The following PPM1H variants were observed in gnomAD, a reference collection of about 807,000 sequenced individuals.
PPM1H encodes the protein protein phosphatase 1H.
In PPM1H, 27 loss-of-function variants were observed where a neutral mutation model predicts 54.9. The observed-to-expected ratio is 0.49, with a 90% confidence interval of 0.36 to 0.68. The LOEUF (loss-of-function observed/expected upper bound fraction) is 0.68, where lower values mean the gene tolerates loss of function less well. PPM1H is among the 30% of genes least tolerant of loss of function. The pLI is 0.00. For synonymous variants in PPM1H, 305 were observed against 270.8 expected (o/e 1.13, Z -1.24); for missense variants, 596 against 667.8 (o/e 0.89, Z 1.19).
intron 1 of PPM1H, among the ~76,000 whole-genome samples, chr12:62,897,846 T>C (rs560832009): frequency 3.3e-5 from 5 of 152,282 alleles, no homozygotes; most frequent in South Asian, 2.1e-4. Flanking sequence ...GAAGCCATGA[T>C]GGGCTACTGC....
chr12:62,666,717 CT>C (rs940756013), intron 9 of PPM1H, among the ~76,000 whole-genome samples: 2 of 151,344 alleles, frequency 1.3e-5, no homozygotes, highest in African/African-American at 4.8e-5. Context: ...GAAAGTACCT[CT>C]TTTTTTTTGT....
chr12:62,802,594 C>A (rs1392177068), intron 2 of PPM1H, among the ~76,000 whole-genome samples: 1 of 148,820 alleles, frequency 6.7e-6, no homozygotes, highest in Non-Finnish European at 1.5e-5. Context: ...GACAGAGTCT[C>A]ACTCTGTGGC....
At chr12:62,868,735 T>TA (rs956211343) in intron 1 of PPM1H, among the ~76,000 whole-genome samples, 19 of 152,124 alleles carry the variant, frequency 1.2e-4, no homozygotes, top group Non-Finnish European at 1.3e-4. Context: ...TCAGAGATGA[T>TA]AAAAAAACAT....
At chr12:62,760,472 C>T (rs342141) in intron 4 of PPM1H, among the ~76,000 whole-genome samples, 121,249 of 152,012 alleles carry the variant, frequency 0.8, 48,665 homozygotes, top group African/African-American at 0.9. Context: ...TCTTCAGCCT[C>T]TGCTCCCCCA....
chr12:62,911,410 T>C (rs1871456551), intron 1 of PPM1H, among the ~76,000 whole-genome samples: 1 of 152,254 alleles, frequency 6.6e-6, no homozygotes, highest in South Asian at 2.1e-4. Flanking sequence ...TTTTCTTGCA[T>C]ATCAGATTTC....
intron 4 of PPM1H, among the ~76,000 whole-genome samples, chr12:62,781,426 T>C (rs549060517): frequency 5.8e-4 from 89 of 152,378 alleles, no homozygotes; most frequent in African/African-American, 2.0e-3. Context: ...GCTGCAGGAC[T>C]GCTGAGACTG....
chr12:62,758,792 C>T (rs890176827), intron 4 of PPM1H, among the ~76,000 whole-genome samples: 3 of 152,160 alleles, frequency 2.0e-5, no homozygotes, highest in African/African-American at 7.2e-5. Context: ...TGAGCCCAAG[C>T]TAAGCCATCA....
At chr12:62,713,551 G>A (rs1284547094) in intron 6 of PPM1H, among the ~76,000 whole-genome samples, 1 of 152,176 alleles carries the variant, frequency 6.6e-6, no homozygotes, top group Non-Finnish European at 1.5e-5. Context: ...TGCCCCTGAG[G>A]ATCAGGAAAG....
At chr12:62,654,814 C>G (rs2136597308) in intron 9 of PPM1H, among the ~76,000 whole-genome samples, 1 of 152,322 alleles carries the variant, frequency 6.6e-6, no homozygotes, top group East Asian at 1.9e-4. Flanking sequence ...TCAGTCTTGT[C>G]AGGCAGCTGC....
At chr12:62,652,913 T>C (rs2075823817) in intron 9 of PPM1H, among the ~76,000 whole-genome samples, 1 of 152,204 alleles carries the variant, frequency 6.6e-6, no homozygotes, top group African/African-American at 2.4e-5. Flanking sequence ...GTAATTTTTT[T>C]AACAATGGTC....
chr12:62,753,406 C>G (rs778324087), intron 4 of PPM1H, among the ~76,000 whole-genome samples: 1 of 152,236 alleles, frequency 6.6e-6, no homozygotes, highest in African/African-American at 2.4e-5. Context: ...AATATACTCA[C>G]GTGGATTGTT....
chr12:62,735,433 G>C (rs191616842), intron 5 of PPM1H, among the ~76,000 whole-genome samples: 172 of 152,070 alleles, frequency 1.1e-3, no homozygotes, highest in African/African-American at 3.8e-3. Flanking sequence ...GCCCAGACTG[G>C]TCTTGAACTC....
intron 9 of PPM1H, among the ~76,000 whole-genome samples, chr12:62,659,456 G>C (rs2075870004): frequency 6.6e-6 from 1 of 152,120 alleles, no homozygotes; most frequent in African/African-American, 2.4e-5. Flanking sequence ...TGAGAGGATG[G>C]TGTGAGGGTC....
intron 9 of PPM1H, among the ~76,000 whole-genome samples, chr12:62,661,940 T>C (rs2136606325): frequency 6.6e-6 from 1 of 151,242 alleles, no homozygotes; most frequent in South Asian, 2.1e-4. Context: ...TTTCATTCAT[T>C]CATCCATCTG....
chr12:62,757,626 G>C (rs887477722), intron 4 of PPM1H, among the ~76,000 whole-genome samples: 1 of 152,094 alleles, frequency 6.6e-6, no homozygotes, highest in Non-Finnish European at 1.5e-5. Context: ...TGTCTTTCTT[G>C]GGGCAAGTTT....
intron 2 of PPM1H, among the ~76,000 whole-genome samples, chr12:62,808,282 A>T (rs1398401578): frequency 6.6e-6 from 1 of 152,232 alleles, no homozygotes; most frequent in Non-Finnish European, 1.5e-5. Flanking sequence ...GACAGAGAAT[A>T]TAACTGCTCT....
chr12:62,791,915 C>A (rs1427151023), intron 3 of PPM1H, among the ~76,000 whole-genome samples: 3 of 152,082 alleles, frequency 2.0e-5, no homozygotes, highest in African/African-American at 7.2e-5. Context: ...GGCAACAGAG[C>A]GAGACTTCAT....
At chr12:62,921,963 G>T (rs1871813512) in intron 1 of PPM1H, among the ~76,000 whole-genome samples, 1 of 152,128 alleles carries the variant, frequency 6.6e-6, no homozygotes, top group Non-Finnish European at 1.5e-5. Context: ...TAAAACACAT[G>T]CTGTATTTAT....
chr12:62,875,795 G>A (rs562662022), intron 1 of PPM1H, among the ~76,000 whole-genome samples: 1 of 152,302 alleles, frequency 6.6e-6, no homozygotes, highest in South Asian at 2.1e-4. Flanking sequence ...CAACAACTTG[G>A]AAATTTTATT....
Sources: gnomAD v4.1 joint callset for allele counts (sites outside exome capture counted in the v4.1 genomes callset) on GRCh38, gnomAD v4.1.1 for gene constraint, MANE v1.5 for transcripts, NCBI Gene and HGNC (gene_info 2026-07-23, HGNC 2026-07-21) for gene names.